The following PEAK1 variants were observed in gnomAD, a reference collection of about 807,000 sequenced individuals.
PEAK1 encodes pseudopodium enriched atypical kinase 1.
PEAK1 carries 54 observed loss-of-function variants against 124.7 expected under a neutral mutation model. That is an observed-to-expected ratio of 0.43 (90% CI 0.35 to 0.54). The LOEUF (loss-of-function observed/expected upper bound fraction) is 0.54. PEAK1 is among the 20% of genes least tolerant of loss of function. The pLI is 0.01. For missense variants in PEAK1, 2,046 were observed against 2,134.5 expected (o/e 0.96, Z 0.82); for synonymous variants, 719 against 760.0 (o/e 0.95, Z 0.89).
chr15:77,325,713 A>C (rs180719658), intron 2 of PEAK1, among the ~76,000 whole-genome samples: 1 of 152,220 alleles, frequency 6.6e-6, no homozygotes, highest in Admixed American at 6.5e-5. Context: ...ATAATATACA[A>C]ACCAAATTTC....
At chr15:77,241,133 T>C (rs2152911135) in intron 6 of PEAK1, among the ~76,000 whole-genome samples, 1 of 152,310 alleles carries the variant, frequency 6.6e-6, no homozygotes, top group South Asian at 2.1e-4. Context: ...GCATAATGCA[T>C]CACAACCAAG....
intron 3 of PEAK1, among the ~76,000 whole-genome samples, chr15:77,285,347 A>G (rs1257482017): frequency 6.6e-6 from 1 of 152,194 alleles, no homozygotes; most frequent in African/African-American, 2.4e-5. Context: ...CAAACTTTTG[A>G]GGAATAGAGA....
intron 6 of PEAK1, among the ~76,000 whole-genome samples, chr15:77,193,886 G>C (rs757891080): frequency 4.6e-5 from 7 of 152,158 alleles, no homozygotes; most frequent in South Asian, 2.1e-4. Flanking sequence ...TCTCTTCTGT[G>C]ATCTTGTCTA....
intron 5 of PEAK1, among the ~76,000 whole-genome samples, chr15:77,276,949 C>T (rs1054222597): frequency 2.6e-5 from 4 of 151,926 alleles, no homozygotes; most frequent in African/African-American, 9.7e-5. Context: ...GTAGCATCAC[C>T]AAGTAGCACT....
chr15:77,301,357 G>T (rs2063776172), intron 2 of PEAK1, among the ~76,000 whole-genome samples: 1 of 152,086 alleles, frequency 6.6e-6, no homozygotes, highest in African/African-American at 2.4e-5. Context: ...GATAATCCAG[G>T]ATGATCATCA....
intron 5 of PEAK1, among the ~76,000 whole-genome samples, chr15:77,257,793 G>A (rs2061235783): frequency 6.7e-6 from 1 of 150,154 alleles, no homozygotes; most frequent in East Asian, 1.9e-4. Context: ...TAGACATGAA[G>A]TCCTTGCCTG....
chr15:77,175,472 C>G lies in PEAK1; in HGVS notation c.3137+3318G>C, dbSNP rs1310671120. 2.0e-5 allele frequency among the ~76,000 whole-genome samples: 3 copies of G among 151,332 alleles called. No individual in the cohort carries two copies. In the East Asian group the frequency reaches 5.8e-4, roughly 29 times the overall value. On this transcript the variant is annotated intron_variant, in intron 7 of 9. Transcript: ENST00000682557. The stretch of plus-strand genomic sequence containing the variant: ...TGAACAGACACTTCTCAAAAGAAGA[C>G]ATTTATGCAGCCAAAAGACACATGA...
intron 1 of PEAK1, among the ~76,000 whole-genome samples, chr15:77,383,005 TCA>T (rs1181498032): frequency 6.7e-6 from 1 of 150,342 alleles, no homozygotes; most frequent in East Asian, 1.9e-4. Flanking sequence ...AAATATGAAA[TCA>T]GTTTGTATCT....
At chr15:77,296,862 C>T (rs900363572) in intron 2 of PEAK1, among the ~76,000 whole-genome samples, 3 of 151,124 alleles carry the variant, frequency 2.0e-5, no homozygotes, top group Non-Finnish European at 4.4e-5. Flanking sequence ...AGGGAGAGAA[C>T]GAGACAAAGG....
chr15:77,167,780 C>T (rs1361464745), intron 7 of PEAK1, among the ~76,000 whole-genome samples: 1 of 152,004 alleles, frequency 6.6e-6, no homozygotes, highest in African/African-American at 2.4e-5. Context: ...GGTACACATG[C>T]ACAACGTGCA....
At chr15:77,350,933 A>T in intron 2 of PEAK1, 1 of 985,396 alleles carries the variant, frequency 1.0e-6, no homozygotes, top group Non-Finnish European at 1.2e-6. Context: ...AGCAATTCAC[A>T]TGTAAAGCAC....
chr15:77,298,711 A>G (rs1036530428), intron 2 of PEAK1, among the ~76,000 whole-genome samples: 22 of 152,202 alleles, frequency 1.4e-4, no homozygotes, highest in Non-Finnish European at 1.5e-5. Flanking sequence ...GGAAAATAGT[A>G]TACTTGGATT....
intron 2 of PEAK1, among the ~76,000 whole-genome samples, chr15:77,290,059 C>G (rs2063137087): frequency 6.6e-6 from 1 of 152,258 alleles, no homozygotes; most frequent in Non-Finnish European, 1.5e-5. Context: ...CCTCTGCCTC[C>G]CAGGCTCAAG....
intron 5 of PEAK1, among the ~76,000 whole-genome samples, chr15:77,274,127 G>A (rs1043378486): frequency 2.0e-5 from 3 of 152,020 alleles, no homozygotes; most frequent in Admixed American, 6.6e-5. Context: ...AAATCCACTC[G>A]AAATGGACCA....
intron 1 of PEAK1, chr15:77,403,945 T>C: frequency 1.0e-6 from 1 of 971,102 alleles, no homozygotes; most frequent in Non-Finnish European, 1.2e-6. Flanking sequence ...TTTACAAGTT[T>C]GTTGCATGGG....
chr15:77,188,156 A>C (rs1383144686), intron 6 of PEAK1, among the ~76,000 whole-genome samples: 1 of 152,238 alleles, frequency 6.6e-6, no homozygotes, highest in African/African-American at 2.4e-5. Context: ...AAAAAAAATT[A>C]TCATTCCTTG....
chr15:77,335,824 G>A (rs1237452031), intron 2 of PEAK1: 1 of 985,168 alleles, frequency 1.0e-6, no homozygotes, highest in African/African-American at 1.7e-5. Flanking sequence ...ATGCTTCTAG[G>A]TAATGGTTTC....
At chr15:77,220,802 T>C (rs1049804676) in intron 6 of PEAK1, among the ~76,000 whole-genome samples, 1 of 152,074 alleles carries the variant, frequency 6.6e-6, no homozygotes, top group Non-Finnish European at 1.5e-5. Context: ...TCTATATGTC[T>C]CATAGACAGT....
At chr15:77,276,900 G>A (rs1385325007) in intron 5 of PEAK1, among the ~76,000 whole-genome samples, 1 of 151,978 alleles carries the variant, frequency 6.6e-6, no homozygotes, top group East Asian at 1.9e-4. Flanking sequence ...GGGACTAAAG[G>A]GAGCAAAAGT....
Sources: gnomAD v4.1 joint callset for allele counts (sites outside exome capture counted in the v4.1 genomes callset) on GRCh38, gnomAD v4.1.1 for gene constraint, MANE v1.5 for transcripts, NCBI Gene and HGNC (gene_info 2026-07-23, HGNC 2026-07-21) for gene names.